Variants in ITK observed in about 807,000 individuals in gnomAD.
ITK encodes the protein tyrosine-protein kinase ITK/TSK.
Under a neutral mutation model 87.6 loss-of-function variants are expected in ITK, and 45 were observed. The observed-to-expected ratio is 0.51, with a 90% CI of 0.40 to 0.66. The LOEUF (loss-of-function observed/expected upper bound fraction) is 0.66. Among genes scored for constraint, ITK ranks in the 30% least tolerant of loss-of-function variants. The probability of loss-of-function intolerance (pLI) is 0.00; values close to 1 mark genes in which losing one functional copy is unlikely to be tolerated. For synonymous variants in ITK, 303 were observed against 273.6 expected (o/e 1.11, Z -1.06); for missense variants, 605 against 766.3 (o/e 0.79, Z 2.48).
intron 1 of ITK, among the ~76,000 whole-genome samples, chr5:157,193,846 A>AGACAGCAGAAACATCATC (rs1360700102): frequency 6.6e-6 from 1 of 152,182 alleles, no homozygotes; most frequent in African/African-American, 2.4e-5. Flanking sequence ...CTTACCCGAA[A>AGACAGCAGAAACATCATC]GACAGCAGAA....
intron 4 of ITK, among the ~76,000 whole-genome samples, chr5:157,214,804 C>T (rs1342134258): frequency 6.6e-6 from 1 of 152,180 alleles, no homozygotes; most frequent in South Asian, 2.1e-4. Context: ...AAATTCAACT[C>T]TATACCCTTA....
chr5:157,229,295 C>A (rs927090387), intron 7 of ITK, among the ~76,000 whole-genome samples: 1 of 152,182 alleles, frequency 6.6e-6, no homozygotes, highest in African/African-American at 2.4e-5. Flanking sequence ...CTCAAAGTAT[C>A]TCCTCACAAA....
chr5:157,244,240 A>G lies in ITK; in HGVS notation c.1233-22A>G, dbSNP rs745880912. 3.7e-6 allele frequency: 6 copies of G among 1,601,452 alleles called. No homozygotes were observed. The South Asian group carries it at 5.5e-5, about 15-fold the overall frequency. On this transcript the variant is annotated intron_variant, in intron 12 of 16. Coordinates refer to ENST00000422843, the MANE Select transcript of ITK (RefSeq NM_005546.4). The stretch of plus-strand genomic sequence containing the variant: ...TGGGAGACTGAGTTTAGGCCATCTC[A>G]CCCCTTGTCTTTTTCCTCCAGGAAA...
chr5:157,228,428 T>C, intron 7 of ITK, 67 bp downstream of exon 7: 1 of 959,684 alleles, frequency 1.0e-6, no homozygotes, highest in Non-Finnish European at 1.7e-6. Flanking sequence ...AGGAATAAAT[T>C]ATTGGTTGAC....
At chr5:157,195,201 A>T (rs1381007170) in intron 1 of ITK, 1 of 152,220 alleles carries the variant, frequency 6.6e-6, no homozygotes, top group Non-Finnish European at 1.5e-5. Context: ...ATTTCTCTCA[A>T]TCCAAGAAAA....
rs1463126138 is a variant in ITK at position 157,255,144 on chromosome 5, A to G, written c.*2466A>G. 5.4e-6 allele frequency: 1 copy of G among 185,290 alleles called. No individual in the cohort carries two copies. Among genetic ancestry groups the G allele is most frequent in the African/African-American group, 2.3e-5 (1 of 42,706 alleles). 11.5% of individuals were successfully genotyped at this position (185,290 alleles called of 1,614,324 possible). On this transcript the variant is annotated 3_prime_UTR_variant, in exon 17 of 17. Coordinates refer to ENST00000422843, the MANE Select transcript of ITK (RefSeq NM_005546.4). ...GCACACAGAGTTAAAAGTTGAATAT[A>G]GCAATATTAAAGCTGCATTTTAATA...
chr5:157,184,037 C>A (rs994513871), intron 1 of ITK, among the ~76,000 whole-genome samples: 3 of 152,104 alleles, frequency 2.0e-5, no homozygotes, highest in Admixed American at 2.0e-4. Context: ...TCAGAGGGGC[C>A]AAGAAGCGCC....
rs199759038 is a variant in ITK at position 157,211,279 on chromosome 5, G to A, written c.244-8G>A. On this transcript the variant is annotated splice_region_variant and splice_polypyrimidine_tract_variant and intron_variant, in intron 2 of 16. Coordinates refer to ENST00000422843, the MANE Select transcript of ITK (RefSeq NM_005546.4). ...TGCTCACCTTGAACTCTGTGTGTGT[G>A]TCTCCAGGTGGTGCATGACAACTAC... 7.1e-4 allele frequency: 1,152 copies of A among 1,611,858 alleles called. 12 individuals are homozygous for A. The South Asian group carries it at 0.012, about 17-fold the overall frequency.
At chr5:157,222,735 T>C in intron 5 of ITK, 128 bp from the exon 6 acceptor site, 1 of 844,334 alleles carries the variant, frequency 1.2e-6, no homozygotes, top group Non-Finnish European at 2.0e-6. Flanking sequence ...TGTTCAGCGC[T>C]GTAACTCTAA....
At chr5:157,211,186 C>T (rs556845088) in intron 2 of ITK, 101 bp from the exon 3 acceptor site, 245 of 941,626 alleles carry the variant, frequency 2.6e-4, no homozygotes, top group Non-Finnish European at 3.8e-4. Context: ...GCCTATATGA[C>T]GATAAACACC....
intron 6 of ITK, among the ~76,000 whole-genome samples, chr5:157,224,555 T>C (rs1055222146): frequency 6.6e-6 from 1 of 152,028 alleles, no homozygotes; most frequent in East Asian, 1.9e-4. Flanking sequence ...CAAGGTGGGC[T>C]GATCACCTGA....
At chr5:157,226,395 T>G (rs1754531982) in intron 6 of ITK, among the ~76,000 whole-genome samples, 1 of 152,234 alleles carries the variant, frequency 6.6e-6, no homozygotes, top group East Asian at 1.9e-4. Flanking sequence ...ATTTGATGCA[T>G]TAATATAATT....
chr5:157,193,258 T>C (rs1753787192), intron 1 of ITK, among the ~76,000 whole-genome samples: 1 of 152,134 alleles, frequency 6.6e-6, no homozygotes. Flanking sequence ...TCTCTGCCAA[T>C]TATATCAGGA....
intron 8 of ITK, among the ~76,000 whole-genome samples, chr5:157,236,195 G>A (rs547907977): frequency 2.0e-5 from 3 of 152,236 alleles, no homozygotes; most frequent in African/African-American, 7.2e-5. Context: ...ACATCATAGT[G>A]AAACCTCATC....
intron 8 of ITK, 136 bp from the exon 9 acceptor site, chr5:157,237,973 G>A (rs1754810975): frequency 1.4e-6 from 1 of 702,912 alleles, no homozygotes; most frequent in South Asian, 1.5e-5. Flanking sequence ...TGAAACGGTA[G>A]CCATTCTTAC....
At chr5:157,202,929 C>T (rs556969009) in intron 1 of ITK, among the ~76,000 whole-genome samples, 1 of 152,312 alleles carries the variant, frequency 6.6e-6, no homozygotes, top group South Asian at 2.1e-4. Context: ...TTTGCCTCCA[C>T]TGTCTGCCCT....
intron 16 of ITK, 116 bp from the exon 17 acceptor site, chr5:157,252,491 A>G: frequency 1.3e-6 from 1 of 783,496 alleles, no homozygotes; most frequent in South Asian, 1.4e-5. Flanking sequence ...TACAGTCAAC[A>G]TGGAAGCACA....
chr5:157,221,591 G>GAAAAAAAAATACATGTC (rs1754415019), intron 5 of ITK, among the ~76,000 whole-genome samples: 1 of 150,876 alleles, frequency 6.6e-6, no homozygotes, highest in Non-Finnish European at 1.5e-5. Flanking sequence ...ATGATTATTA[G>GAAAAAAAAATACATGTC]AAAAAAAAAT....
chr5:157,230,249 A>C (rs1390596867), intron 7 of ITK, among the ~76,000 whole-genome samples: 1 of 152,200 alleles, frequency 6.6e-6, no homozygotes, highest in Non-Finnish European at 1.5e-5. Context: ...CAAATGTATA[A>C]AATATCAGCA....
Sources: allele counts gnomAD v4.1 joint callset (sites outside exome capture counted in the v4.1 genomes callset), GRCh38; gene constraint gnomAD v4.1.1; transcripts MANE v1.5; gene names NCBI Gene and HGNC (gene_info 2026-07-23, HGNC 2026-07-21).